Variants in STK3 observed in about 807,000 individuals in gnomAD.
STK3 encodes serine/threonine-protein kinase 3.
STK3 carries 41 observed loss-of-function variants against 58.0 expected under a neutral mutation model. That is an observed-to-expected ratio of 0.71 (90% CI 0.55 to 0.92). The LOEUF is 0.92. Among genes scored for constraint, STK3 ranks in the 40% least tolerant of loss-of-function variants. STK3 has a pLI of 0.00. For synonymous variants in STK3, 170 were observed against 191.0 expected (o/e 0.89, Z 0.91); for missense variants, 479 against 602.7 (o/e 0.79, Z 2.15).
intron 6 of STK3, among the ~76,000 whole-genome samples, chr8:98,685,823 C>T (rs988167573): frequency 3.3e-5 from 5 of 151,786 alleles, no homozygotes; most frequent in African/African-American, 9.7e-5. Context: ...TTCACCTACA[C>T]ACCCTGTCAG....
At chr8:98,560,749 T>C (rs1051448206) in intron 8 of STK3, among the ~76,000 whole-genome samples, 7 of 151,942 alleles carry the variant, frequency 4.6e-5, no homozygotes, top group African/African-American at 1.4e-4. Flanking sequence ...AAAACAAAAT[T>C]TGGCCAGGAG....
chr8:98,587,369 C>A (rs1479206628), intron 7 of STK3, among the ~76,000 whole-genome samples: 3 of 152,010 alleles, frequency 2.0e-5, no homozygotes, highest in African/African-American at 7.3e-5. Context: ...AGTAGTCATT[C>A]AGGAGCAGGT....
At chr8:98,344,184 C>T in the STK3 span, among the ~76,000 whole-genome samples, 1 of 152,146 alleles carries the variant, frequency 6.6e-6, no homozygotes, top group East Asian at 1.9e-4. Flanking sequence ...TGCCCCAGGC[C>T]ACTGAAGAAA....
At chr8:98,851,925 C>T (rs192678188) in intron 3 of STK3, among the ~76,000 whole-genome samples, 12 of 152,158 alleles carry the variant, frequency 7.9e-5, no homozygotes, top group African/African-American at 2.4e-4. Context: ...AGGTTCGAGG[C>T]TGTAGTGAGC....
chr8:98,923,717 G>A (rs2132016320), intron 1 of STK3, among the ~76,000 whole-genome samples: 1 of 152,226 alleles, frequency 6.6e-6, no homozygotes, highest in Non-Finnish European at 1.5e-5. Context: ...TATTAAAAGT[G>A]TTGAAGTCTG....
chr8:98,466,883 G>A (rs1441826338), intron 10 of STK3, among the ~76,000 whole-genome samples: 1 of 152,122 alleles, frequency 6.6e-6, no homozygotes, highest in Non-Finnish European at 1.5e-5. Flanking sequence ...GATCATGGAA[G>A]TTCTCTACAC....
rs187852464 is a variant in STK3 at position 98,762,633 on chromosome 8, G to T, written c.236+4610C>A. 5.0e-3 allele frequency among the ~76,000 whole-genome samples: 763 copies of T among 152,334 alleles called. 6 individuals are homozygous for T. The highest frequency in any genetic ancestry group is 7.8e-3 in the Non-Finnish European group (534 of 68,032). On this transcript the variant is annotated intron_variant, in intron 3 of 10. Transcript: ENST00000419617. ...AGTAGGTGGTACTCAATACATACTA[G>T]TTGAACAGGTAAAAAGGGGATAAGT... is the stretch of plus-strand genomic sequence containing the variant.
At chr8:98,526,172 TAAG>T (rs1228822386) in intron 10 of STK3, among the ~76,000 whole-genome samples, 2 of 151,856 alleles carry the variant, frequency 1.3e-5, no homozygotes, top group African/African-American at 2.4e-5. Context: ...TTAAAAGAAG[TAAG>T]AAGAACCAGG....
chr8:98,639,110 C>CTTT (rs200636934), intron 6 of STK3, among the ~76,000 whole-genome samples: 2 of 138,510 alleles, frequency 1.4e-5, no homozygotes, highest in African/African-American at 5.3e-5. Flanking sequence ...AGGAGATACA[C>CTTT]TTTTTTTTTT....
chr8:98,835,998 C>T (rs1198998539), intron 3 of STK3, among the ~76,000 whole-genome samples: 2 of 152,118 alleles, frequency 1.3e-5, no homozygotes, highest in Non-Finnish European at 2.9e-5. Flanking sequence ...GTCAGGAGTT[C>T]GAGACCAGCC....
At chr8:98,712,116 A>G (rs1014647389) in intron 4 of STK3, among the ~76,000 whole-genome samples, 2 of 152,228 alleles carry the variant, frequency 1.3e-5, no homozygotes, top group African/African-American at 4.8e-5. Context: ...CCTGCCCTAA[A>G]AGAGCTCTTG....
chr8:98,840,640 C>T (rs867552798), intron 3 of STK3, among the ~76,000 whole-genome samples: 9 of 116,840 alleles, frequency 7.7e-5, no homozygotes, highest in Admixed American at 2.5e-4. Flanking sequence ...CACACACATA[C>T]GTTTTATATA....
intron 10 of STK3, among the ~76,000 whole-genome samples, chr8:98,501,501 T>C (rs970707674): frequency 6.6e-6 from 1 of 152,216 alleles, no homozygotes; most frequent in Admixed American, 6.5e-5. Flanking sequence ...CTGAATGGTA[T>C]TGCCTAGGTT....
At chr8:98,462,096 C>G (rs1457561045) in intron 10 of STK3, among the ~76,000 whole-genome samples, 2 of 152,130 alleles carry the variant, frequency 1.3e-5, no homozygotes, top group African/African-American at 4.8e-5. Context: ...GATCCAATAA[C>G]ACTCTTCAAG....
At chr8:98,847,097 C>T (rs150697181) in intron 3 of STK3, among the ~76,000 whole-genome samples, 12 of 152,144 alleles carry the variant, frequency 7.9e-5, no homozygotes, top group South Asian at 2.1e-4. Flanking sequence ...GGCACAGTGG[C>T]GAGTACCTGT....
intron 6 of STK3, among the ~76,000 whole-genome samples, chr8:98,664,798 G>A (rs912419475): frequency 6.6e-6 from 1 of 152,050 alleles, no homozygotes; most frequent in Non-Finnish European, 1.5e-5. Flanking sequence ...TACTTGGGAG[G>A]CTGAGGCAGG....
rs141386376 is a variant in STK3, at chr8:98,639,709, C to T, written c.685-43540G>A. On this transcript the variant is annotated intron_variant, in intron 6 of 10. Transcript: ENST00000419617. ...TTTACAATCAGGTTTCATCTGATGT[C>T]AATGTTACCTTTCATATCTTTTTAA... 5.1e-3 allele frequency among the ~76,000 whole-genome samples: 773 copies of T among 152,280 alleles called. 5 individuals carry two copies. The highest frequency in any genetic ancestry group is 6.5e-3 in the Non-Finnish European group (444 of 68,006).
Position 98,919,394 on chromosome 8 carries a change from C to T in STK3, c.-79+22984G>A, listed in dbSNP as rs191348301. Among the ~76,000 whole-genome samples the T allele has an allele frequency of 1.4e-3, 219 of 152,046 alleles. 1 individual carries two copies. The highest frequency in any genetic ancestry group is 4.9e-3 in the African/African-American group (202 of 41,428). On this transcript the variant is annotated intron_variant, in intron 1 of 1. Coordinates refer to the STK3 transcript ENST00000519420. The stretch of plus-strand genomic sequence containing the variant: ...CTAAGAGTAGAGTTCAGAGATAGGA[C>T]ACAAATCAGAAAAACCGCTGTCAGT...
chr8:98,800,975 G>A lies in STK3; in HGVS notation c.26+24540C>T, dbSNP rs1001681841. 2.7e-4 allele frequency among the ~76,000 whole-genome samples: 41 copies of A among 152,250 alleles called. No homozygotes were observed. The highest frequency in any genetic ancestry group is 4.6e-4 in the Non-Finnish European group (31 of 68,044). ...CGCCCAAGGGCTGAGGAGTGCAGGC[G>A]CACAGTGCGGGACTGGCAGGCAGCT... On this transcript the variant is annotated intron_variant, in intron 1 of 10. Transcript: ENST00000419617. The surrounding 1 kb of genome is among the most constrained non-coding windows in gnomAD (Gnocchi z 4.8).
Sources: gnomAD v4.1 joint callset for allele counts (sites outside exome capture counted in the v4.1 genomes callset) on GRCh38, gnomAD v4.1.1 for gene constraint, Gnocchi (gnomAD v3.1) non-coding constraint, MANE v1.5 for transcripts, NCBI Gene and HGNC (gene_info 2026-07-23, HGNC 2026-07-21) for gene names.